The following SAMMSON variants were observed in gnomAD, a reference collection of about 807,000 sequenced individuals.
SAMMSON encodes the protein long intergenic non-protein coding RNA 1212.
chr3:70,233,507 A>G (rs947854823), intron 4 of SAMMSON, among the ~76,000 whole-genome samples: 3 of 152,214 alleles, frequency 2.0e-5, no homozygotes, highest in Non-Finnish European at 1.5e-5. Flanking sequence ...TATTACATAC[A>G]ATAATTGACA....
At chr3:70,242,998 G>A (rs1202301803) in intron 4 of SAMMSON, among the ~76,000 whole-genome samples, 2 of 152,180 alleles carry the variant, frequency 1.3e-5, no homozygotes, top group Non-Finnish European at 2.9e-5. Context: ...CCCAAGAGCA[G>A]AACGATATAA....
chr3:70,070,195 T>C (rs2067224713), intron 3 of SAMMSON: 2 of 152,090 alleles, frequency 1.3e-5, no homozygotes, highest in Non-Finnish European at 1.5e-5. Flanking sequence ...AAGAGAGTTA[T>C]AGTATGCCCT....
intron 4 of SAMMSON, among the ~76,000 whole-genome samples, chr3:70,164,888 C>T (rs939978405): frequency 1.3e-5 from 2 of 151,962 alleles, no homozygotes; most frequent in Admixed American, 6.6e-5. Flanking sequence ...GACTTTGGGG[C>T]TTTAAAAAAG....
chr3:70,356,933 C>T (rs915974815), intron 8 of SAMMSON, among the ~76,000 whole-genome samples: 3 of 152,084 alleles, frequency 2.0e-5, no homozygotes, highest in Non-Finnish European at 4.4e-5. Context: ...TTCATAATAA[C>T]TGAGAAGGCA....
intron 7 of SAMMSON, among the ~76,000 whole-genome samples, chr3:70,335,423 T>C (rs1227155821): frequency 1.3e-5 from 2 of 152,058 alleles, no homozygotes; most frequent in Non-Finnish European, 2.9e-5. Context: ...CACACAATCA[T>C]AGTTTTCAAG....
chr3:70,069,672 T>C (rs959192929), intron 3 of SAMMSON: 5 of 152,108 alleles, frequency 3.3e-5, no homozygotes, highest in African/African-American at 1.2e-4. Context: ...TTTACACTCA[T>C]GACCTCACTC....
chr3:70,017,699 A>C (rs1025654978), intron 3 of SAMMSON, among the ~76,000 whole-genome samples: 2 of 152,150 alleles, frequency 1.3e-5, no homozygotes, highest in Non-Finnish European at 2.9e-5. Flanking sequence ...TTGCCCATTC[A>C]GCATGATATT....
At chr3:70,202,430 T>G (rs1701248965) in intron 4 of SAMMSON, among the ~76,000 whole-genome samples, 1 of 152,128 alleles carries the variant, frequency 6.6e-6, no homozygotes, top group Non-Finnish European at 1.5e-5. Context: ...GCCTTCTTGT[T>G]GTTGCTAATA....
chr3:70,161,966 T>C (rs964834616), intron 4 of SAMMSON, among the ~76,000 whole-genome samples: 1 of 151,868 alleles, frequency 6.6e-6, no homozygotes, highest in African/African-American at 2.4e-5. Context: ...TTTTAATTTC[T>C]AAAGATTCAG....
intron 3 of SAMMSON, among the ~76,000 whole-genome samples, chr3:70,070,611 G>C (rs1219618298): frequency 6.6e-6 from 1 of 151,390 alleles, no homozygotes; most frequent in Non-Finnish European, 1.5e-5. Flanking sequence ...AATCCCCTTG[G>C]GGGACATAAA....
At chr3:70,004,969 C>G (rs2066920436) in intron 1 of SAMMSON, among the ~76,000 whole-genome samples, 1 of 152,174 alleles carries the variant, frequency 6.6e-6, no homozygotes, top group South Asian at 2.1e-4. Flanking sequence ...GGGGGAACTG[C>G]TTTATCCAGC....
chr3:70,023,745 A>G (rs1046330772), intron 3 of SAMMSON, among the ~76,000 whole-genome samples: 4 of 152,104 alleles, frequency 2.6e-5, no homozygotes, highest in Admixed American at 2.0e-4. Context: ...TATGATCTCT[A>G]TTTCGAGCTC....
chr3:70,004,284 A>T (rs1185011806), intron 1 of SAMMSON, among the ~76,000 whole-genome samples: 1 of 152,320 alleles, frequency 6.6e-6, no homozygotes, highest in East Asian at 1.9e-4. Flanking sequence ...CGTATAAAAC[A>T]TTCTGTAAAT....
At chr3:70,054,211 C>T (rs548425102) in intron 3 of SAMMSON, among the ~76,000 whole-genome samples, 1 of 152,238 alleles carries the variant, frequency 6.6e-6, no homozygotes, top group East Asian at 1.9e-4. Context: ...CCAGTGACTA[C>T]ACTTTTAATT....
Position 70,362,956 on chromosome 3 carries a change from C to G in SAMMSON, n.913+4632C>G, listed in dbSNP as rs140129315. On this transcript the variant is annotated intron_variant and non_coding_transcript_variant, in intron 9 of 9. Coordinates refer to ENST00000642114, the Ensembl canonical transcript of SAMMSON. ...GACAGCATGGGGTCTGCGATAGAGC[C>G]CAAGTATCTATCTCTATGGTTGACA... Among the ~76,000 whole-genome samples the G allele has an allele frequency of 3.3e-5, 5 of 151,884 alleles. No individual in the cohort carries two copies. In the East Asian group the frequency reaches 9.7e-4, roughly 29 times the overall value.
At chr3:70,374,598 G>A (rs557244113) in intron 9 of SAMMSON, among the ~76,000 whole-genome samples, 2 of 152,196 alleles carry the variant, frequency 1.3e-5, no homozygotes, top group Admixed American at 1.3e-4. Flanking sequence ...GGTTGGGAAG[G>A]TGTCTAGTTA....
intron 7 of SAMMSON, among the ~76,000 whole-genome samples, chr3:70,348,871 C>G (rs1194896335): frequency 6.6e-6 from 1 of 152,072 alleles, no homozygotes; most frequent in East Asian, 1.9e-4. Flanking sequence ...GATTCACTTT[C>G]AACACTAGAT....
intron 6 of SAMMSON, among the ~76,000 whole-genome samples, chr3:70,260,882 CT>C (rs1261087185): frequency 5.3e-5 from 8 of 152,086 alleles, no homozygotes; most frequent in Admixed American, 5.2e-4. Context: ...AATGTACCAT[CT>C]TTTCCTGCTG....
Position 70,202,697 on chromosome 3 carries a change from C to A in SAMMSON, n.508-46410C>A, listed in dbSNP as rs115645032. ...GGGAGCAAAAAGCCATGACAAAAACCCCTTTGGGCTTCATTTCCTTTCTAC... is the reference window on the plus strand; with the variant it reads ...GGGAGCAAAAAGCCATGACAAAAACACCTTTGGGCTTCATTTCCTTTCTAC... On this transcript the variant is annotated intron_variant and non_coding_transcript_variant, in intron 4 of 9. Transcript: ENST00000642114. 8.0e-3 allele frequency among the ~76,000 whole-genome samples: 1,210 copies of A among 152,098 alleles called. 14 individuals carry two copies. Among genetic ancestry groups the A allele is most frequent in the African/African-American group, 0.028 (1,150 of 41,488 alleles).
Sources: allele counts gnomAD v4.1 joint callset (sites outside exome capture counted in the v4.1 genomes callset), GRCh38; gene constraint gnomAD v4.1.1; transcripts MANE v1.5; gene names NCBI Gene and HGNC (gene_info 2026-07-23, HGNC 2026-07-21).